The following LRRTM3 variants were observed in gnomAD, a reference collection of about 807,000 sequenced individuals.
LRRTM3 encodes the protein leucine-rich repeat transmembrane neuronal protein 3.
A neutral mutation model predicts 44.7 loss-of-function variants in LRRTM3; 24 were observed. The ratio of observed to expected loss-of-function variants is 0.54; its 90% CI spans 0.39 to 0.76. LRRTM3 has a LOEUF of 0.76. Among genes scored for constraint, LRRTM3 ranks in the 30% least tolerant of loss-of-function variants. The pLI is 0.00. For missense variants in LRRTM3, 587 were observed against 702.2 expected (o/e 0.84, Z 1.85); for synonymous variants, 277 against 278.7 (o/e 0.99, Z 0.06).
intron 2 of LRRTM3, among the ~76,000 whole-genome samples, chr10:66,981,116 C>T (rs1850412320): frequency 6.6e-6 from 1 of 152,098 alleles, no homozygotes; most frequent in Admixed American, 6.6e-5. Context: ...GTTGGTCAGG[C>T]TGGTCTCGAA....
intron 2 of LRRTM3, among the ~76,000 whole-genome samples, chr10:66,966,026 A>G (rs572636833): frequency 2.6e-5 from 4 of 152,322 alleles, no homozygotes; most frequent in Admixed American, 2.6e-4. Flanking sequence ...AGGACTTAAG[A>G]TTTGAGTCTT....
chr10:67,046,668 T>C (rs1248847464), intron 2 of LRRTM3, among the ~76,000 whole-genome samples: 1 of 152,202 alleles, frequency 6.6e-6, no homozygotes, highest in Non-Finnish European at 1.5e-5. Flanking sequence ...AGCATGGTAC[T>C]AGGGATACTA....
At chr10:67,080,947 A>C (rs1313038180) in intron 2 of LRRTM3, among the ~76,000 whole-genome samples, 1 of 151,574 alleles carries the variant, frequency 6.6e-6, no homozygotes, top group Non-Finnish European at 1.5e-5. Flanking sequence ...AAAAAAAAAA[A>C]AACAAAGAAG....
intron 2 of LRRTM3, among the ~76,000 whole-genome samples, chr10:67,069,435 G>A (rs1037702301): frequency 6.6e-6 from 1 of 152,112 alleles, no homozygotes; most frequent in Admixed American, 6.5e-5. Context: ...TGTTTTTGAA[G>A]TATAAGATTT....
At chr10:66,945,997 T>C (rs371757719) in intron 2 of LRRTM3, among the ~76,000 whole-genome samples, 1 of 152,116 alleles carries the variant, frequency 6.6e-6, no homozygotes, top group Admixed American at 6.6e-5. Context: ...ATAATAGATA[T>C]AATAATCATG....
intron 2 of LRRTM3, among the ~76,000 whole-genome samples, chr10:67,065,103 A>G (rs1855996237): frequency 6.6e-6 from 1 of 152,180 alleles, no homozygotes; most frequent in African/African-American, 2.4e-5. Flanking sequence ...CCATGATCCT[A>G]TGACATGAGG....
At chr10:66,978,552 A>AAAAAAAATATATATATATAT in intron 2 of LRRTM3, among the ~76,000 whole-genome samples, 3 of 37,864 alleles carry the variant, frequency 7.9e-5, no homozygotes, top group South Asian at 1.2e-3. Flanking sequence ...AAAAAAAAAA[A>AAAAAAAATATATATATATAT]ATATATATAT....
intron 2 of LRRTM3, among the ~76,000 whole-genome samples, chr10:67,077,601 G>A (rs1428804514): frequency 2.6e-5 from 4 of 151,988 alleles, no homozygotes; most frequent in African/African-American, 9.7e-5. Context: ...AACTTTCTTA[G>A]GAAAATCTTC....
chr10:67,046,358 G>T (rs1281162663), intron 2 of LRRTM3, among the ~76,000 whole-genome samples: 1 of 152,148 alleles, frequency 6.6e-6, no homozygotes, highest in Non-Finnish European at 1.5e-5. Context: ...GCACAGATGT[G>T]AGCGAACAGC....
intron 2 of LRRTM3, among the ~76,000 whole-genome samples, chr10:66,979,747 T>A (rs1223400433): frequency 6.6e-6 from 1 of 152,194 alleles, no homozygotes. Flanking sequence ...TATAATCTAC[T>A]TTATCACTAT....
chr10:67,098,655 A>T lies in LRRTM3; in HGVS notation c.*859A>T, dbSNP rs1374158588. 4 of 152,460 alleles carry T rather than the reference A, an allele frequency of 2.6e-5. No homozygotes were observed. In the South Asian group the frequency reaches 8.3e-4, roughly 32 times the overall value. 9.4% of individuals were successfully genotyped at this position (152,460 alleles called of 1,614,324 possible). Reference sequence around the variant, plus strand: ...TGGGGGAAAGCATGGACAAAACATCACTGGAAACAAAGGCTGTAACCACAG... The same window carrying T: ...TGGGGGAAAGCATGGACAAAACATCTCTGGAAACAAAGGCTGTAACCACAG... On this transcript the variant is annotated 3_prime_UTR_variant, in exon 3 of 3. Transcript: ENST00000361320.
intron 2 of LRRTM3, among the ~76,000 whole-genome samples, chr10:67,006,118 A>G (rs1851971923): frequency 6.6e-6 from 1 of 152,260 alleles, no homozygotes; most frequent in East Asian, 1.9e-4. Context: ...CTTTGCAACT[A>G]TCTTGCAAGG....
rs1173600112 is a variant in LRRTM3, at chr10:66,926,487, C to A, written c.-97C>A. 3.5e-6 allele frequency: 5 copies of A among 1,408,718 alleles called. No homozygotes were observed. The highest frequency in any genetic ancestry group is 4.9e-6 in the Non-Finnish European group (5 of 1,011,672). The allele number at this position is 1,408,718 out of a possible 1,614,324, so 87.3% of individuals were successfully genotyped here. ...ATTTTTCTTCCTGGGTGTCAGCGAG[C>A]CCTGACTCACTACAGTGCAGCTGAC... On this transcript the variant is annotated 5_prime_UTR_variant, in exon 1 of 3. Coordinates refer to ENST00000361320, the MANE Select transcript of LRRTM3 (RefSeq NM_178011.5).
intron 2 of LRRTM3, among the ~76,000 whole-genome samples, chr10:66,988,311 G>A (rs1289441063): frequency 1.2e-4 from 19 of 152,080 alleles, no homozygotes; most frequent in Non-Finnish European, 7.4e-5. Context: ...TTTGAATTTA[G>A]CTCATTTGGA....
At chr10:67,095,033 A>G (rs1411438972) in intron 2 of LRRTM3, among the ~76,000 whole-genome samples, 4 of 140,194 alleles carry the variant, frequency 2.9e-5, no homozygotes, top group Non-Finnish European at 4.6e-5. Flanking sequence ...GTATATACAT[A>G]TATGTTTATA....
chr10:67,021,914 C>T (rs1409403224), intron 2 of LRRTM3, among the ~76,000 whole-genome samples: 1 of 152,118 alleles, frequency 6.6e-6, no homozygotes, highest in Non-Finnish European at 1.5e-5. Flanking sequence ...GACTTAGAGG[C>T]TGAGAGCCTG....
intron 2 of LRRTM3, among the ~76,000 whole-genome samples, chr10:67,075,192 A>ACACACACACT (rs1856684465): frequency 6.6e-6 from 1 of 152,150 alleles, no homozygotes; most frequent in African/African-American, 2.4e-5. Flanking sequence ...ACACACACTC[A>ACACACACACT]CACACTACTA....
chr10:67,097,520 T>G lies in LRRTM3; in HGVS notation c.1537-67T>G, dbSNP rs1435548049. Reference sequence around the variant, plus strand: ...GGTTAGTCAGGTCAGCACTTCAGTCTCTAAATCTTTCCCCTAAAGTTGTCC... The same window carrying G: ...GGTTAGTCAGGTCAGCACTTCAGTCGCTAAATCTTTCCCCTAAAGTTGTCC... On this transcript the variant is annotated intron_variant, in intron 2 of 2. Transcript: ENST00000361320. 4.2e-6 allele frequency: 6 copies of G among 1,420,384 alleles called. No homozygotes were observed. The East Asian group carries it at 1.4e-4, about 32-fold the overall frequency. The allele number at this position is 1,420,384 out of a possible 1,614,324, so 88.0% of individuals were successfully genotyped here. A position where few individuals can be genotyped will look rare whatever the true frequency, so the allele number is the denominator to read the frequency against.
chr10:66,930,084 A>C (rs1198497431), intron 2 of LRRTM3, among the ~76,000 whole-genome samples: 1 of 152,138 alleles, frequency 6.6e-6, no homozygotes, highest in Non-Finnish European at 1.5e-5. Context: ...GGGGTTTTTC[A>C]TATGCTGAGA....
Sources: gnomAD v4.1 joint callset for allele counts (sites outside exome capture counted in the v4.1 genomes callset) on GRCh38, gnomAD v4.1.1 for gene constraint, MANE v1.5 for transcripts, NCBI Gene and HGNC (gene_info 2026-07-23, HGNC 2026-07-21) for gene names.